Variants in NUP160 observed in about 807,000 individuals in gnomAD.
NUP160 encodes the protein nucleoporin 160, also known as nuclear pore complex protein Nup160.
NUP160 carries 94 observed loss-of-function variants against 196.9 expected under a neutral mutation model. The observed-to-expected ratio is 0.48, with a 90% CI of 0.40 to 0.57. The LOEUF (loss-of-function observed/expected upper bound fraction) is 0.57. NUP160 is among the 20% of genes least tolerant of loss of function. The probability of loss-of-function intolerance (pLI) is 0.00; values close to 1 mark genes in which losing one functional copy is unlikely to be tolerated. For synonymous variants in NUP160, 605 were observed against 619.7 expected, an observed-to-expected ratio of 0.98 and a Z score of 0.35; for missense variants, 1,638 against 1,748.3, an observed-to-expected ratio of 0.94 and a Z score of 1.13.
intron 35 of NUP160, chr11:47,779,620 T>G: frequency 2.0e-6 from 1 of 509,146 alleles, no homozygotes; most frequent in Non-Finnish European, 3.9e-6. Context: ...AAGGAAACAC[T>G]ATTGTTTTTT....
At chr11:47,803,986 G>C (rs2097675957) in intron 21 of NUP160, among the ~76,000 whole-genome samples, 1 of 152,088 alleles carries the variant, frequency 6.6e-6, no homozygotes, top group African/African-American at 2.4e-5. Flanking sequence ...TTCGAGACCA[G>C]CCTCGCCAAC....
intron 34 of NUP160, among the ~76,000 whole-genome samples, chr11:47,780,753 G>A (rs1278943090): frequency 6.6e-6 from 1 of 151,640 alleles, no homozygotes; most frequent in Non-Finnish European, 1.5e-5. Context: ...TGTTGGACAG[G>A]CTGGTCTCAA....
chr11:47,835,608 G>A, intron 7 of NUP160, 43 bp downstream of exon 7: 1 of 1,492,296 alleles, frequency 6.7e-7, no homozygotes, highest in Non-Finnish European at 9.0e-7. Flanking sequence ...CTCCACATCA[G>A]TACACACAGA....
chr11:47,792,756 C>T (rs566797298), intron 28 of NUP160, 30 bp downstream of exon 28: 1 of 1,567,700 alleles, frequency 6.4e-7, no homozygotes, highest in African/African-American at 1.4e-5. Context: ...AGGATGAACC[C>T]CCAAATTCCA....
intron 28 of NUP160, chr11:47,792,250 G>A (rs1043306905): frequency 5.2e-6 from 2 of 381,992 alleles, no homozygotes; most frequent in Non-Finnish European, 4.7e-6. Context: ...AATTTTTCTC[G>A]GCTCCAGAGT....
chr11:47,842,298 T>C (rs1203989975), intron 2 of NUP160, among the ~76,000 whole-genome samples: 1 of 152,170 alleles, frequency 6.6e-6, no homozygotes, highest in Non-Finnish European at 1.5e-5. Flanking sequence ...CTCCCAAGGA[T>C]GTAAGTACCT....
At chr11:47,801,844 G>A (rs1371508603) in exon 23 of NUP160, 7 of 1,613,320 alleles carry the variant, frequency 4.3e-6, no homozygotes, top group East Asian at 2.2e-5. Flanking sequence ...GGGTAGACAC[G>A]ATCTCCCCAT....
At chr11:47,784,898 C>T (rs2097663621) in intron 33 of NUP160, 24 bp downstream of exon 33, 1 of 1,531,940 alleles carries the variant, frequency 6.5e-7, no homozygotes, top group African/African-American at 1.4e-5. Flanking sequence ...GGTTCTTACT[C>T]TGTACAAGTT....
Position 47,786,426 on chromosome 11 carries a change from A to G in NUP160, c.3848+27T>C, listed in dbSNP as rs367950356. The G allele has an allele frequency of 2.7e-5, 39 of 1,459,322 alleles. No homozygotes were observed. In the African/African-American group the frequency reaches 4.9e-4, roughly 18 times the overall value. The allele number at this position is 1,459,322 out of a possible 1,614,324, so 90.4% of individuals were successfully genotyped here. A position where few individuals can be genotyped will look rare whatever the true frequency, so the allele number is the denominator to read the frequency against. ...TTACAGCTTTTAGAAAGGCAAAACT[A>G]CCCAGGGTTGAACACCAGGGTTGTA... On this transcript the variant is annotated intron_variant, in intron 32 of 35. Transcript: ENST00000378460.
intron 20 of NUP160, among the ~76,000 whole-genome samples, chr11:47,805,836 T>G (rs1253314253): frequency 6.6e-6 from 1 of 151,986 alleles, no homozygotes; most frequent in Non-Finnish European, 1.5e-5. Context: ...TGCTTTTTTT[T>G]TTGAGAAGGA....
At chr11:47,794,308 A>G (rs965217847) in intron 27 of NUP160, among the ~76,000 whole-genome samples, 1 of 152,128 alleles carries the variant, frequency 6.6e-6, no homozygotes, top group African/African-American at 2.4e-5. Context: ...CCTGGCCAAC[A>G]GGGTGAAACC....
chr11:47,826,608 G>A (rs1293800452), intron 7 of NUP160, among the ~76,000 whole-genome samples: 1 of 150,506 alleles, frequency 6.6e-6, no homozygotes, highest in African/African-American at 2.4e-5. Flanking sequence ...TGTCACTTAG[G>A]CTGGAGTGCT....
At chr11:47,836,521 G>T (rs552537883) in intron 6 of NUP160, among the ~76,000 whole-genome samples, 1 of 152,210 alleles carries the variant, frequency 6.6e-6, no homozygotes, top group Admixed American at 6.5e-5. Flanking sequence ...AGCTGAGGTG[G>T]GGAATTGCTT....
At chr11:47,788,380 TGA>T in intron 30 of NUP160, 75 bp from the exon 31 acceptor site, 2 of 1,577,632 alleles carry the variant, frequency 1.3e-6, no homozygotes, top group Non-Finnish European at 1.7e-6. Context: ...GTTTTGTTGA[TGA>T]GTATCTCTGA....
intron 35 of NUP160, 106 bp from the exon 36 acceptor site, chr11:47,779,300 T>C (rs1315283022): frequency 2.9e-6 from 2 of 679,180 alleles, no homozygotes; most frequent in African/African-American, 3.6e-5. Flanking sequence ...CTTATAAAGA[T>C]GTTAGCCACT....
intron 31 of NUP160, 49 bp from the exon 32 acceptor site, chr11:47,786,603 C>G (rs763662137): frequency 1.1e-5 from 12 of 1,142,556 alleles, no homozygotes; most frequent in Non-Finnish European, 1.3e-5. Flanking sequence ...TGAAACGTAC[C>G]ACTTTAATTT....
chr11:47,783,980 C>T (rs1402626524), intron 33 of NUP160, among the ~76,000 whole-genome samples: 2 of 150,812 alleles, frequency 1.3e-5, no homozygotes, highest in African/African-American at 2.4e-5. Flanking sequence ...AGGCGTGAGT[C>T]ACCGTGCCCG....
At chr11:47,841,352 G>A (rs1371295376) in intron 2 of NUP160, 2 of 386,502 alleles carry the variant, frequency 5.2e-6, no homozygotes, top group Non-Finnish European at 1.0e-5. Flanking sequence ...GATCATATTC[G>A]TGGTACCTGT....
chr11:47,796,176 A>C, intron 27 of NUP160: 4 of 249,244 alleles, frequency 1.6e-5, no homozygotes, highest in Non-Finnish European at 7.5e-6. Context: ...AAAAAAAAGG[A>C]GCAGCTGCGG....
Sources: gnomAD v4.1 joint callset for allele counts (sites outside exome capture counted in the v4.1 genomes callset) on GRCh38, gnomAD v4.1.1 for gene constraint, MANE v1.5 for transcripts, NCBI Gene and HGNC (gene_info 2026-07-23, HGNC 2026-07-21) for gene names.